PCDH11X: variants seen among roughly 807,000 people sequenced by gnomAD.
The protein encoded by PCDH11X is protocadherin 11 X-linked.
In PCDH11X, 18 loss-of-function variants were observed where a neutral mutation model predicts 53.3. The observed-to-expected ratio is 0.34, with a 90% confidence interval of 0.23 to 0.50. PCDH11X has a LOEUF of 0.50. PCDH11X is among the 20% of genes least tolerant of loss of function. The probability of loss-of-function intolerance (pLI) is 0.98; values close to 1 mark genes in which losing one functional copy is unlikely to be tolerated. For synonymous variants in PCDH11X, 279 were observed against 393.3 expected, an observed-to-expected ratio of 0.71 and a Z score of 3.44; for missense variants, 570 against 1,032.4, an observed-to-expected ratio of 0.55 and a Z score of 6.14.
At chrX:92,219,370 T>C (rs1441679273) in intron 7 of PCDH11X, among the ~76,000 whole-genome samples, 1 of 111,100 alleles carries the variant, frequency 9.0e-6, no homozygotes, top group Non-Finnish European at 1.9e-5. Context: ...AAAATCAATG[T>C]ACAAAAATCA....
chrX:92,332,859 A>G (rs2755377), intron 8 of PCDH11X, among the ~76,000 whole-genome samples: 2 of 112,128 alleles, frequency 1.8e-5, no homozygotes, highest in African/African-American at 6.5e-5. Context: ...TGGATGTTTC[A>G]GTAGACTGCT....
intron 8 of PCDH11X, among the ~76,000 whole-genome samples, chrX:92,293,497 G>A (rs376754728): frequency 3.4e-4 from 37 of 109,139 alleles, no homozygotes; most frequent in African/African-American, 1.3e-3. Context: ...GGTAGCGGGC[G>A]CCTGTAGTCC....
At chrX:92,147,383 C>T (rs1269751832) in intron 6 of PCDH11X, among the ~76,000 whole-genome samples, 1 of 110,843 alleles carries the variant, frequency 9.0e-6, no homozygotes, top group Non-Finnish European at 1.9e-5. Flanking sequence ...AACTTTTACA[C>T]ATTTTATTCC....
chrX:91,829,275 T>A (rs1369644454), intron 4 of PCDH11X, among the ~76,000 whole-genome samples: 5 of 109,429 alleles, frequency 4.6e-5, no homozygotes, highest in Non-Finnish European at 3.8e-5. Context: ...TATATAAAAC[T>A]CATAGATATA....
chrX:91,944,023 T>TTGTGTGTGTGTGTGTGTG (rs755497548), intron 6 of PCDH11X, among the ~76,000 whole-genome samples: 28 of 63,930 alleles, frequency 4.4e-4, no homozygotes, highest in East Asian at 9.3e-4. Flanking sequence ...ATCTCCTGGA[T>TTGTGTGTGTGTGTGTGTG]TGTGTGTGTG....
intron 9 of PCDH11X, among the ~76,000 whole-genome samples, chrX:92,432,219 A>G (rs2072265889): frequency 9.0e-6 from 1 of 110,503 alleles, no homozygotes; most frequent in Admixed American, 9.7e-5. Flanking sequence ...ATATGGCACC[A>G]TTCTCTTAAA....
At chrX:92,454,427 C>T (rs1408454181) in intron 9 of PCDH11X, among the ~76,000 whole-genome samples, 3 of 109,869 alleles carry the variant, frequency 2.7e-5, no homozygotes, top group Non-Finnish European at 5.7e-5. Flanking sequence ...TTTGGTTCAA[C>T]GAGTGTCAGA....
intron 8 of PCDH11X, among the ~76,000 whole-genome samples, chrX:92,383,191 T>A (rs1329316556): frequency 1.8e-5 from 2 of 110,771 alleles, no homozygotes; most frequent in East Asian, 5.7e-4. Context: ...CTGTATCATA[T>A]GGCCCACAAA....
chrX:92,484,133 A>G (rs182466079), intron 10 of PCDH11X, among the ~76,000 whole-genome samples: 1 of 40,328 alleles, frequency 2.5e-5, no homozygotes, highest in African/African-American at 7.6e-5. Flanking sequence ...ATATATGTAT[A>G]TATGTATGTA....
chrX:91,991,341 G>T (rs1602632249), intron 6 of PCDH11X, among the ~76,000 whole-genome samples: 2 of 75,499 alleles, frequency 2.6e-5, no homozygotes, highest in Non-Finnish European at 4.8e-5. Context: ...ACAGGCTTTT[G>T]TTAAGACTTT....
chrX:92,557,550 A>G (rs2075065303), intron 10 of PCDH11X, among the ~76,000 whole-genome samples: 1 of 111,462 alleles, frequency 9.0e-6, no homozygotes, highest in Non-Finnish European at 1.9e-5. Context: ...CATTGTCTAT[A>G]TCACTATCAG....
Position 91,984,273 on chromosome X carries a change from C to A in PCDH11X, c.3033+105000C>A, listed in dbSNP as rs182404943. 4.3e-3 allele frequency among the ~76,000 whole-genome samples: 432 copies of A among 100,566 alleles called. 2 individuals are homozygous for A. Among genetic ancestry groups the A allele is most frequent in the Middle Eastern group, 0.015 (3 of 199 alleles). 87.3% of individuals were successfully genotyped at this position (100,566 alleles called of 115,157 possible). ...ATTCTGCTAGCTTTTAGTTTCAACA[C>A]CTATGTATTTATTCATTTTTATTAG... On this transcript the variant is annotated intron_variant, in intron 6 of 10. Transcript: ENST00000682573.
intron 6 of PCDH11X, among the ~76,000 whole-genome samples, chrX:92,145,378 A>G (rs2065252534): frequency 9.0e-6 from 1 of 110,740 alleles, no homozygotes; most frequent in East Asian, 2.8e-4. Flanking sequence ...GTAGAAAACT[A>G]TAAGGCTTCA....
intron 10 of PCDH11X, among the ~76,000 whole-genome samples, chrX:92,596,846 A>G (rs1416914254): frequency 9.1e-6 from 1 of 109,873 alleles, no homozygotes; most frequent in Non-Finnish European, 1.9e-5. Flanking sequence ...ACAATACACT[A>G]AAAAGATTAT....
At chrX:91,783,331 C>G (rs1348753954) in intron 1 of PCDH11X, among the ~76,000 whole-genome samples, 1 of 111,607 alleles carries the variant, frequency 9.0e-6, no homozygotes, top group Non-Finnish European at 1.9e-5. Flanking sequence ...CCCCCACTCC[C>G]TGCCCCTTCC....
intron 6 of PCDH11X, among the ~76,000 whole-genome samples, chrX:92,182,303 T>C (rs5984899): frequency 0.43 from 48,124 of 111,188 alleles, 8,604 homozygotes; most frequent in Non-Finnish European, 0.58. Context: ...CGATTGCCTA[T>C]ACCCCCATTG....
intron 9 of PCDH11X, among the ~76,000 whole-genome samples, chrX:92,402,273 C>T (rs947642086): frequency 5.4e-5 from 6 of 111,351 alleles, no homozygotes; most frequent in Middle Eastern, 4.6e-3. Flanking sequence ...CTTCACAGAA[C>T]GAGAAAAAGG....
chrX:92,219,468 TACCTAGGAATCCAACTTAC>T (rs1394445899), intron 7 of PCDH11X, among the ~76,000 whole-genome samples: 1 of 110,173 alleles, frequency 9.1e-6, no homozygotes, highest in East Asian at 2.9e-4. Context: ...GAGAATAAAA[TACCTAGGAATCCAACTTAC>T]AAGGGACGTG....
At chrX:91,972,894 T>C (rs2061985561) in intron 6 of PCDH11X, among the ~76,000 whole-genome samples, 1 of 111,225 alleles carries the variant, frequency 9.0e-6, no homozygotes, top group South Asian at 3.8e-4. Flanking sequence ...TCCTCATGGA[T>C]CTAGAACTAG....
Sources: gnomAD v4.1 joint callset for allele counts (sites outside exome capture counted in the v4.1 genomes callset) on GRCh38, gnomAD v4.1.1 for gene constraint, MANE v1.5 for transcripts, NCBI Gene and HGNC (gene_info 2026-07-23, HGNC 2026-07-21) for gene names.